CXorf58: variants seen among roughly 807,000 people sequenced by gnomAD.
CXorf58 encodes chromosome X open reading frame 58, also known as uncharacterized protein CXorf58.
Under a neutral mutation model 26.0 loss-of-function variants are expected in CXorf58, and 24 were observed. The observed-to-expected ratio is 0.92, with a 90% confidence interval of 0.67 to 1.30. The LOEUF (loss-of-function observed/expected upper bound fraction) is 1.30, where lower values mean the gene tolerates loss of function less well. Ranked by LOEUF, CXorf58 falls within the 50% of genes most tolerant of loss-of-function variation. The probability of loss-of-function intolerance (pLI) is 0.00; values close to 1 mark genes in which losing one functional copy is unlikely to be tolerated. For missense variants in CXorf58, 236 were observed against 263.9 expected, an observed-to-expected ratio of 0.89 and a Z score of 0.73; for synonymous variants, 87 against 86.1, an observed-to-expected ratio of 1.01 and a Z score of -0.06.
At chrX:23,928,081 T>C (rs755733782) in intron 6 of CXorf58, among the ~76,000 whole-genome samples, 21 of 111,558 alleles carry the variant, frequency 1.9e-4, no homozygotes, top group Admixed American at 9.6e-4. Flanking sequence ...AGCTAAGGAA[T>C]TTGGGGGTTC....
intron 6 of CXorf58, 55 bp downstream of exon 6, chrX:23,927,425 G>T: frequency 2.5e-6 from 2 of 797,404 alleles, no homozygotes; most frequent in East Asian, 7.6e-5. Context: ...TCCTAACTCT[G>T]TCATCCAAGA....
intron 3 of CXorf58, among the ~76,000 whole-genome samples, chrX:23,914,780 G>A (rs981552357): frequency 2.7e-5 from 3 of 110,871 alleles, no homozygotes; most frequent in Non-Finnish European, 5.7e-5. Context: ...AGCTACTCAG[G>A]AGGCTGAGCA....
At chrX:23,924,158 A>G (rs1927940680) in intron 5 of CXorf58, among the ~76,000 whole-genome samples, 1 of 111,902 alleles carries the variant, frequency 8.9e-6, no homozygotes, top group South Asian at 3.7e-4. Context: ...TAAAGCAGAA[A>G]TTATATGGTC....
rs144542613 is a variant in CXorf58 at position 23,908,823 on chromosome X, G to C, written c.-21+494G>C. Among the ~76,000 whole-genome samples the C allele has an allele frequency of 5.5e-4, 62 of 112,409 alleles. 2 individuals carry two copies. The East Asian group carries it at 0.016, about 29-fold the overall frequency. On this transcript the variant is annotated intron_variant, in intron 1 of 8. Coordinates refer to ENST00000379211, the MANE Select transcript of CXorf58 (RefSeq NM_152761.3). The stretch of plus-strand genomic sequence containing the variant: ...GACCACTAGGGGCACACCTGTAGTT[G>C]AAGAAATTGGGTTTCTCATTGCTGC...
At chrX:23,927,919 A>G (rs1236115180) in intron 6 of CXorf58, among the ~76,000 whole-genome samples, 2 of 111,524 alleles carry the variant, frequency 1.8e-5, no homozygotes, top group African/African-American at 6.5e-5. Context: ...ATTACCCCGA[A>G]AGGAAACCCT....
chrX:23,935,651 G>A (rs1349370717), intron 7 of CXorf58, among the ~76,000 whole-genome samples: 1 of 111,760 alleles, frequency 8.9e-6, no homozygotes, highest in Non-Finnish European at 1.9e-5. Flanking sequence ...GTAGCTGGAG[G>A]CTGCCACAGA....
chrX:23,937,612 A>C (rs1928327219), intron 7 of CXorf58, among the ~76,000 whole-genome samples: 1 of 109,019 alleles, frequency 9.2e-6, no homozygotes, highest in African/African-American at 3.3e-5. Context: ...TTTAATAGAG[A>C]CAGGGTTTCT....
chrX:23,908,025 G>T lies in CXorf58; in HGVS notation c.-325G>T, dbSNP rs1052952421. ...CTCTGTGTGGACGGTACGCGGAGGC[G>T]CGAGGAGGGAGGCGCCTGGCGTTGC... On this transcript the variant is annotated 5_prime_UTR_variant, in exon 1 of 9. Coordinates refer to ENST00000379211, the MANE Select transcript of CXorf58 (RefSeq NM_152761.3). The T allele has an allele frequency of 1.9e-5, 4 of 213,617 alleles. No individual in the cohort carries two copies. The highest frequency in any genetic ancestry group is 7.3e-5 in the Admixed American group (1 of 13,722). The allele number at this position is 213,617 out of a possible 1,213,427, so 17.6% of individuals were successfully genotyped here.
chrX:23,930,254 A>C (rs1928133527), intron 6 of CXorf58, among the ~76,000 whole-genome samples: 1 of 107,309 alleles, frequency 9.3e-6, no homozygotes, highest in Non-Finnish European at 1.9e-5. Context: ...TATAGCTGCC[A>C]TAGACAATGA....
chrX:23,923,904 T>C (rs1441158759), intron 5 of CXorf58, among the ~76,000 whole-genome samples: 2 of 106,709 alleles, frequency 1.9e-5, no homozygotes, highest in Middle Eastern at 4.7e-3. Flanking sequence ...CCCGTCTCTA[T>C]TGAAAACAAA....
At chrX:23,937,695 G>T (rs2036146508) in intron 7 of CXorf58, among the ~76,000 whole-genome samples, 1 of 110,457 alleles carries the variant, frequency 9.1e-6, no homozygotes, top group Admixed American at 9.7e-5. Flanking sequence ...AAAGTGCTGG[G>T]ATTACAGGTG....
At chrX:23,922,557 C>T (rs959683497) in intron 5 of CXorf58, among the ~76,000 whole-genome samples, 3 of 111,703 alleles carry the variant, frequency 2.7e-5, no homozygotes, top group African/African-American at 9.8e-5. Flanking sequence ...GATGGCCCTG[C>T]AATAACTCTG....
At chrX:23,910,668 A>G (rs942403863) in intron 2 of CXorf58, among the ~76,000 whole-genome samples, 2 of 110,378 alleles carry the variant, frequency 1.8e-5, no homozygotes, top group Admixed American at 1.9e-4. Flanking sequence ...AGCAACCGGG[A>G]GAAGGTAAGT....
intron 5 of CXorf58, among the ~76,000 whole-genome samples, chrX:23,917,782 C>T (rs754963748): frequency 1.8e-5 from 2 of 112,504 alleles, no homozygotes; most frequent in East Asian, 5.6e-4. Context: ...ATAGGAATCA[C>T]CTGGGAATCT....
chrX:23,917,289 C>T (rs923675561), intron 5 of CXorf58, among the ~76,000 whole-genome samples: 8 of 99,891 alleles, frequency 8.0e-5, no homozygotes, highest in South Asian at 5.3e-4. Flanking sequence ...GAGCTGAGAT[C>T]GCACCACTGC....
chrX:23,923,583 G>A (rs1927924713), intron 5 of CXorf58, among the ~76,000 whole-genome samples: 1 of 105,218 alleles, frequency 9.5e-6, no homozygotes, highest in Non-Finnish European at 2.0e-5. Flanking sequence ...AGGTTACAGT[G>A]AGTCAAGATG....
chrX:23,915,615 T>C lies in CXorf58; in HGVS notation c.217-85T>C, dbSNP rs1377487329. ...ACTCCAAGTCCAGCATAATGTTCAC[T>C]TTACCACGTTGCCTCTGTTATAGTC... On this transcript the variant is annotated intron_variant, in intron 3 of 8. Transcript: ENST00000379211. 5 of 535,158 alleles carry C rather than the reference T, an allele frequency of 9.3e-6. No homozygotes were observed. The African/African-American group carries it at 1.2e-4, about 13-fold the overall frequency. 44.1% of individuals were successfully genotyped at this position (535,158 alleles called of 1,213,427 possible). A position where few individuals can be genotyped will look rare whatever the true frequency, so the allele number is the denominator to read the frequency against.
At chrX:23,912,021 G>A (rs773560494) in intron 3 of CXorf58, among the ~76,000 whole-genome samples, 165 bp downstream of exon 3, 4 of 103,328 alleles carry the variant, frequency 3.9e-5, no homozygotes, top group Non-Finnish European at 7.8e-5. Context: ...GCACAATCTT[G>A]GCTCACTGCA....
intron 5 of CXorf58, among the ~76,000 whole-genome samples, chrX:23,924,414 T>G (rs1218109207): frequency 9.1e-6 from 1 of 109,641 alleles, no homozygotes; most frequent in Non-Finnish European, 1.9e-5. Context: ...CTCCACCTCC[T>G]GGGTTCAAGC....
Sources: gnomAD v4.1 joint callset for allele counts (sites outside exome capture counted in the v4.1 genomes callset) on GRCh38, gnomAD v4.1.1 for gene constraint, MANE v1.5 for transcripts, NCBI Gene and HGNC (gene_info 2026-07-23, HGNC 2026-07-21) for gene names.